Variants in INSC observed in about 807,000 individuals in gnomAD.
INSC encodes protein inscuteable homolog.
Under a neutral mutation model 58.6 loss-of-function variants are expected in INSC, and 67 were observed. The ratio of observed to expected loss-of-function variants is 1.14; its 90% CI spans 0.94 to 1.40. The LOEUF is 1.40. Ranked by LOEUF, INSC falls within the 40% of genes most tolerant of loss-of-function variation. The probability of loss-of-function intolerance (pLI) is 0.00; values close to 1 mark genes in which losing one functional copy is unlikely to be tolerated. For missense variants in INSC, 714 were observed against 692.0 expected (o/e 1.03, Z -0.36); for synonymous variants, 262 against 276.1 (o/e 0.95, Z 0.51).
chr11:15,203,571 C>T (rs1188181880), intron 7 of INSC, among the ~76,000 whole-genome samples: 1 of 152,238 alleles, frequency 6.6e-6, no homozygotes. Context: ...GATGAAAATA[C>T]TGACGTCCAG....
chr11:15,248,648 A>G (rs1331836308), downstream of INSC, among the ~76,000 whole-genome samples: 1 of 152,224 alleles, frequency 6.6e-6, no homozygotes, highest in Non-Finnish European at 1.5e-5. Flanking sequence ...CCATTCCTCA[A>G]TATCAGGCTA....
At chr11:15,115,087 T>C (rs1847660143) in intron 1 of INSC, 84 bp downstream of exon 1, 2 of 868,716 alleles carry the variant, frequency 2.3e-6, no homozygotes, top group African/African-American at 3.6e-5. Context: ...GGTTTGTCAC[T>C]AATTGGATAG....
intron 2 of INSC, among the ~76,000 whole-genome samples, chr11:15,161,531 G>A (rs1849019388): frequency 1.3e-5 from 2 of 152,116 alleles, no homozygotes; most frequent in African/African-American, 2.4e-5. Flanking sequence ...CTATAGGTGG[G>A]CACAGGAGGC....
At chr11:15,130,081 TTTTC>T (rs1470520262) in intron 1 of INSC, among the ~76,000 whole-genome samples, 1 of 152,244 alleles carries the variant, frequency 6.6e-6, no homozygotes, top group African/African-American at 2.4e-5. Context: ...TTCTAATACA[TTTTC>T]TTTCTTTCTG....
intron 2 of INSC, among the ~76,000 whole-genome samples, chr11:15,153,448 G>A (rs540423610): frequency 6.6e-6 from 1 of 152,334 alleles, no homozygotes; most frequent in East Asian, 1.9e-4. Flanking sequence ...GCTTGCATAT[G>A]TGCACCTCTG....
chr11:15,125,656 A>C (rs1847976273), intron 1 of INSC, among the ~76,000 whole-genome samples: 1 of 152,198 alleles, frequency 6.6e-6, no homozygotes, highest in Non-Finnish European at 1.5e-5. Flanking sequence ...TCCATGATCT[A>C]TCCAGCTATC....
chr11:15,244,058 A>G (rs184610620), intron 12 of INSC, among the ~76,000 whole-genome samples: 165 of 151,332 alleles, frequency 1.1e-3, no homozygotes, highest in Non-Finnish European at 1.9e-3. Flanking sequence ...TGATAGGTCT[A>G]TGTTCTATTT....
chr11:15,225,277 T>C (rs909193110), intron 8 of INSC, among the ~76,000 whole-genome samples: 5 of 152,214 alleles, frequency 3.3e-5, no homozygotes, highest in African/African-American at 1.2e-4. Flanking sequence ...ACTTTGTAAT[T>C]ATGCATAGTA....
the INSC span, among the ~76,000 whole-genome samples, chr11:15,255,305 C>T: frequency 2.0e-5 from 3 of 152,062 alleles, no homozygotes; most frequent in African/African-American, 4.8e-5. Context: ...AATATTTTAA[C>T]ACTTGTTAAA....
chr11:15,257,113 C>T, the INSC span, among the ~76,000 whole-genome samples: 1 of 152,156 alleles, frequency 6.6e-6, no homozygotes, highest in African/African-American at 2.4e-5. Flanking sequence ...CCTGCTGAGG[C>T]CTGAAATTAT....
the INSC span, among the ~76,000 whole-genome samples, chr11:15,258,191 G>C: frequency 3.9e-5 from 6 of 152,244 alleles, 1 homozygote; most frequent in South Asian, 1.2e-3. Flanking sequence ...AAGATATTCA[G>C]AGGAGTGTCT....
intron 7 of INSC, among the ~76,000 whole-genome samples, chr11:15,204,381 T>C (rs534035450): frequency 6.6e-6 from 1 of 152,350 alleles, no homozygotes; most frequent in Non-Finnish European, 1.5e-5. Flanking sequence ...AAATCTGATA[T>C]TGTGAGGCCA....
At chr11:15,254,175 T>A in the INSC span, among the ~76,000 whole-genome samples, 30 of 152,112 alleles carry the variant, frequency 2.0e-4, no homozygotes, top group African/African-American at 6.8e-4. Flanking sequence ...CTTAGAGAGG[T>A]CAGGTAATCA....
chr11:15,262,524 T>C, the INSC span, among the ~76,000 whole-genome samples: 1 of 152,056 alleles, frequency 6.6e-6, no homozygotes, highest in Non-Finnish European at 1.5e-5. Flanking sequence ...ATAAACCCAG[T>C]CATCTGACCC....
intron 6 of INSC, among the ~76,000 whole-genome samples, chr11:15,197,583 G>C (rs1168328783): frequency 6.6e-6 from 1 of 152,118 alleles, no homozygotes; most frequent in African/African-American, 2.4e-5. Context: ...CTGTTTGTTT[G>C]GGTCCTTCAT....
rs995906284 is a variant in INSC at position 15,141,199 on chromosome 11, A to G, written c.-45-7931A>G. Among the ~76,000 whole-genome samples, 23 of 152,262 alleles carry G rather than the reference A, an allele frequency of 1.5e-4. 1 individual carries two copies. Among genetic ancestry groups the G allele is most frequent in the South Asian group, 8.3e-4 (4 of 4,822 alleles). On this transcript the variant is annotated intron_variant, in intron 1 of 12. Transcript: ENST00000379556. ...CAAGAAGGCTGCCTGGACATTGCCC[A>G]GGAGCTGTAGTCTTAGCCCTGTCAA...
the INSC span, among the ~76,000 whole-genome samples, chr11:15,267,240 TA>T: frequency 1.3e-5 from 2 of 152,014 alleles, no homozygotes; most frequent in Non-Finnish European, 2.9e-5. Context: ...CTCCTCTATA[TA>T]ATGTGTCTTT....
intron 2 of INSC, among the ~76,000 whole-genome samples, chr11:15,162,480 C>T (rs1849053323): frequency 6.6e-6 from 1 of 152,186 alleles, no homozygotes; most frequent in Non-Finnish European, 1.5e-5. Context: ...AATTACTTAC[C>T]TGCTTTCCAC....
chr11:15,161,937 G>A (rs1003906581), intron 2 of INSC, among the ~76,000 whole-genome samples: 3 of 152,212 alleles, frequency 2.0e-5, no homozygotes, highest in African/African-American at 7.2e-5. Context: ...ATGCTGTAAA[G>A]TATTTATAGC....
Sources: allele counts gnomAD v4.1 joint callset (sites outside exome capture counted in the v4.1 genomes callset), GRCh38; gene constraint gnomAD v4.1.1; transcripts MANE v1.5; gene names NCBI Gene and HGNC (gene_info 2026-07-23, HGNC 2026-07-21).